The following RPS6KC1 variants were observed in gnomAD, a reference collection of about 807,000 sequenced individuals.
The protein encoded by RPS6KC1 is inactive ribosomal protein S6 kinase delta-1.
A neutral mutation model predicts 103.8 loss-of-function variants in RPS6KC1; 54 were observed. The ratio of observed to expected loss-of-function variants is 0.52; its 90% CI spans 0.42 to 0.65. The LOEUF (loss-of-function observed/expected upper bound fraction) is 0.65, where lower values mean the gene tolerates loss of function less well. RPS6KC1 is among the 30% of genes least tolerant of loss of function. RPS6KC1 has a pLI of 0.00. For missense variants in RPS6KC1, 1,151 were observed against 1,253.8 expected (o/e 0.92, Z 1.24); for synonymous variants, 439 against 438.7 (o/e 1.00, Z -0.01).
At chr1:213,248,034 A>G (rs546025592) in intron 12 of RPS6KC1, among the ~76,000 whole-genome samples, 2 of 152,294 alleles carry the variant, frequency 1.3e-5, no homozygotes, top group South Asian at 4.1e-4. Context: ...TCAACAAACA[A>G]AATTGTTTAA....
the RPS6KC1 span, among the ~76,000 whole-genome samples, chr1:213,336,090 A>T: frequency 6.6e-6 from 1 of 152,348 alleles, no homozygotes; most frequent in South Asian, 2.1e-4. Context: ...AGGGTCTAAA[A>T]TGCTAATATT....
the RPS6KC1 span, among the ~76,000 whole-genome samples, chr1:213,773,531 G>A: frequency 1.4e-5 from 2 of 148,134 alleles, no homozygotes; most frequent in African/African-American, 4.9e-5. Flanking sequence ...TAGATATTAT[G>A]TATAGATATA....
chr1:213,461,758 C>T, the RPS6KC1 span, among the ~76,000 whole-genome samples: 1 of 152,130 alleles, frequency 6.6e-6, no homozygotes, highest in South Asian at 2.1e-4. Context: ...TTCCTTATAT[C>T]TTATACAAAA....
At chr1:213,682,688 T>G in the RPS6KC1 span, among the ~76,000 whole-genome samples, 5 of 152,230 alleles carry the variant, frequency 3.3e-5, no homozygotes, top group Admixed American at 1.3e-4. Context: ...CACTCATAAT[T>G]CTATTTGTGA....
the RPS6KC1 span, among the ~76,000 whole-genome samples, chr1:213,383,143 A>T: frequency 2.6e-5 from 4 of 152,096 alleles, no homozygotes; most frequent in African/African-American, 9.7e-5. Context: ...TCCGCTCTGT[A>T]CTGTGTTTGT....
the RPS6KC1 span, among the ~76,000 whole-genome samples, chr1:213,581,168 A>G: frequency 6.6e-6 from 1 of 151,826 alleles, no homozygotes; most frequent in Non-Finnish European, 1.5e-5. Context: ...GTACCTGAAG[A>G]CTTCACTTCT....
At chr1:213,160,963 A>G (rs767917832) in intron 6 of RPS6KC1, among the ~76,000 whole-genome samples, 1 of 151,968 alleles carries the variant, frequency 6.6e-6, no homozygotes, top group Non-Finnish European at 1.5e-5. Context: ...AGATCTGCAC[A>G]TTGTGCACAT....
the RPS6KC1 span, among the ~76,000 whole-genome samples, chr1:213,858,423 G>A: frequency 6.6e-6 from 1 of 152,122 alleles, no homozygotes; most frequent in Non-Finnish European, 1.5e-5. Flanking sequence ...CAAGTCACAT[G>A]TTGGGGGGGC....
At chr1:213,791,610 T>G in the RPS6KC1 span, among the ~76,000 whole-genome samples, 2 of 152,208 alleles carry the variant, frequency 1.3e-5, no homozygotes, top group East Asian at 3.9e-4. Context: ...GAGGAAGGAA[T>G]AGTGTTAGGG....
chr1:213,564,124 A>G, the RPS6KC1 span, among the ~76,000 whole-genome samples: 1 of 151,954 alleles, frequency 6.6e-6, no homozygotes, highest in Non-Finnish European at 1.5e-5. Flanking sequence ...TATGTTGCAT[A>G]TTTTCTCCTA....
chr1:213,361,210 T>A, the RPS6KC1 span, among the ~76,000 whole-genome samples: 6 of 152,200 alleles, frequency 3.9e-5, no homozygotes, highest in Non-Finnish European at 8.8e-5. Context: ...CTCCACCCAG[T>A]TGGAGCTTCC....
intron 1 of RPS6KC1, 97 bp downstream of exon 1, chr1:213,051,606 C>A: frequency 2.3e-6 from 2 of 877,994 alleles, no homozygotes; most frequent in Non-Finnish European, 3.6e-6. Context: ...TGGCTCAGAG[C>A]CGAGGGTGGG....
chr1:213,061,589 G>T (rs570740270), intron 1 of RPS6KC1, among the ~76,000 whole-genome samples: 1 of 110,492 alleles, frequency 9.1e-6, no homozygotes, highest in African/African-American at 2.5e-5. Flanking sequence ...CAAGACTTGG[G>T]TGTTTTTTTT....
the RPS6KC1 span, among the ~76,000 whole-genome samples, chr1:213,859,131 A>C: frequency 6.6e-6 from 1 of 152,198 alleles, no homozygotes; most frequent in Non-Finnish European, 1.5e-5. Context: ...TTTCAGATCC[A>C]CAGGCAATCA....
the RPS6KC1 span, among the ~76,000 whole-genome samples, chr1:213,815,199 G>T: frequency 6.6e-6 from 1 of 152,086 alleles, no homozygotes; most frequent in Admixed American, 6.6e-5. Flanking sequence ...AGAAGGATGC[G>T]TTTACTTCCC....
the RPS6KC1 span, among the ~76,000 whole-genome samples, chr1:213,838,373 T>C: frequency 6.6e-6 from 1 of 152,206 alleles, no homozygotes; most frequent in Non-Finnish European, 1.5e-5. Context: ...TTTCAGGAAG[T>C]CTTTATGTTC....
chr1:213,748,389 T>A, the RPS6KC1 span, among the ~76,000 whole-genome samples: 1 of 152,238 alleles, frequency 6.6e-6, no homozygotes, highest in Non-Finnish European at 1.5e-5. Context: ...GAATGAGGTC[T>A]ACTGGACATT....
chr1:213,302,891 G>A, the RPS6KC1 span, among the ~76,000 whole-genome samples: 1 of 152,134 alleles, frequency 6.6e-6, no homozygotes, highest in Non-Finnish European at 1.5e-5. Context: ...TCATCCACGG[G>A]ACCTTTGATA....
the RPS6KC1 span, among the ~76,000 whole-genome samples, chr1:213,376,405 T>A: frequency 1.2e-4 from 19 of 152,162 alleles, no homozygotes; most frequent in African/African-American, 4.3e-4. Flanking sequence ...TCTATTTTTT[T>A]TAAAATTGCA....
Sources: gnomAD v4.1 joint callset for allele counts (sites outside exome capture counted in the v4.1 genomes callset) on GRCh38, gnomAD v4.1.1 for gene constraint, MANE v1.5 for transcripts, NCBI Gene and HGNC (gene_info 2026-07-23, HGNC 2026-07-21) for gene names.